Variants in AMPH observed in about 807,000 individuals in gnomAD.
AMPH encodes the protein amphiphysin, also known as amphiphysin (Stiff-Mann syndrome with breast cancer 128kD autoantigen).
AMPH carries 49 observed loss-of-function variants against 99.1 expected under a neutral mutation model. That is an observed-to-expected ratio of 0.49 (90% CI 0.39 to 0.63). The LOEUF is 0.63. Among genes scored for constraint, AMPH ranks in the 20% least tolerant of loss-of-function variants. The pLI, the probability that AMPH is intolerant of heterozygous loss-of-function variation, is 0.00. For synonymous variants in AMPH, 314 were observed against 317.3 expected (o/e 0.99, Z 0.11); for missense variants, 759 against 863.4 (o/e 0.88, Z 1.52).
At chr7:38,444,891 C>T (rs10234777) in intron 11 of AMPH, among the ~76,000 whole-genome samples, 45,679 of 150,988 alleles carry the variant, frequency 0.3, 7,360 homozygotes, top group South Asian at 0.41. Context: ...TTCAAGATAT[C>T]ATAAAATGAC....
At chr7:38,577,892 A>G (rs559198980) in intron 1 of AMPH, among the ~76,000 whole-genome samples, 1 of 152,304 alleles carries the variant, frequency 6.6e-6, no homozygotes, top group East Asian at 1.9e-4. Context: ...ATGAGTCAAG[A>G]TAATACCTGT....
chr7:38,589,820 C>G (rs1209038358), intron 1 of AMPH, among the ~76,000 whole-genome samples: 1 of 152,170 alleles, frequency 6.6e-6, no homozygotes, highest in Non-Finnish European at 1.5e-5. Context: ...CCAGAAAGGG[C>G]ACCTGTGAAC....
intron 2 of AMPH, among the ~76,000 whole-genome samples, chr7:38,516,307 C>CT (rs970259987): frequency 3.4e-4 from 51 of 152,230 alleles, no homozygotes; most frequent in African/African-American, 1.2e-3. Flanking sequence ...GCCCAGGGCC[C>CT]TACTGCCCTG....
chr7:38,615,600 C>T (rs1364085374), intron 1 of AMPH, among the ~76,000 whole-genome samples: 2 of 151,800 alleles, frequency 1.3e-5, no homozygotes, highest in African/African-American at 4.9e-5. Context: ...CTCCTCTCCT[C>T]CCTGAGAAGT....
intron 3 of AMPH, among the ~76,000 whole-genome samples, chr7:38,501,637 C>T (rs1789139919): frequency 6.6e-6 from 1 of 151,578 alleles, no homozygotes; most frequent in African/African-American, 2.4e-5. Flanking sequence ...ATTATTTTGG[C>T]CATTTTTAAA....
At chr7:38,614,742 C>G (rs1289643222) in intron 1 of AMPH, among the ~76,000 whole-genome samples, 1 of 152,128 alleles carries the variant, frequency 6.6e-6, no homozygotes, top group Non-Finnish European at 1.5e-5. Flanking sequence ...GGCACTAAGG[C>G]CCCGAGGTAG....
intron 5 of AMPH, among the ~76,000 whole-genome samples, chr7:38,481,545 G>A (rs1389810683): frequency 1.3e-5 from 2 of 152,112 alleles, no homozygotes; most frequent in Non-Finnish European, 2.9e-5. Flanking sequence ...ACTGCTCACA[G>A]CTGTAAGCCT....
At chr7:38,599,488 C>A (rs1052628208) in intron 1 of AMPH, among the ~76,000 whole-genome samples, 2 of 152,184 alleles carry the variant, frequency 1.3e-5, no homozygotes, top group African/African-American at 4.8e-5. Context: ...GCATATAATA[C>A]ACATTACATA....
intron 3 of AMPH, 24 bp downstream of exon 3, chr7:38,503,626 C>G (rs1263780175): frequency 6.2e-7 from 1 of 1,609,982 alleles, no homozygotes; most frequent in African/African-American, 1.3e-5. Context: ...AAGTAACATG[C>G]AGTAAACAAC....
At chr7:38,396,383 ACTTGCTCCTCTTTGC>A (rs1784669406) in intron 17 of AMPH, among the ~76,000 whole-genome samples, 1 of 152,174 alleles carries the variant, frequency 6.6e-6, no homozygotes, top group African/African-American at 2.4e-5. Flanking sequence ...GTAAGATGTG[ACTTGCTCCTCTTTGC>A]CTTCCATCAT....
chr7:38,566,944 G>A (rs1459351499), intron 1 of AMPH, among the ~76,000 whole-genome samples: 4 of 152,204 alleles, frequency 2.6e-5, no homozygotes, highest in Non-Finnish European at 5.9e-5. Flanking sequence ...GTTGGTGGGC[G>A]TGTAAATTAG....
rs1338903221 is a variant in AMPH, at chr7:38,491,100, C to T, written c.346G>A (p.Gly116Arg). ...WEDFHQKLVDGSLLTLDTYLG... is the reference protein window; with the variant it reads ...WEDFHQKLVDRSLLTLDTYLG... ...TAGGTATCCAGTGTTAGCAAGGACC[C>T]ATCCACGAGTTTTTGATGGAAGTCT... is the stretch of plus-strand genomic sequence containing the variant. Residue 116 changes from glycine to arginine, a missense_variant, in exon 5 of 21, where the codon GGG becomes AGG. Transcript: ENST00000356264. 2 of 1,613,074 alleles carry T rather than the reference C, an allele frequency of 1.2e-6. No homozygotes were observed. The highest frequency in any genetic ancestry group is 1.7e-6 in the Non-Finnish European group (2 of 1,179,360).
chr7:38,539,959 T>C (rs1790750756), intron 1 of AMPH, among the ~76,000 whole-genome samples: 1 of 152,256 alleles, frequency 6.6e-6, no homozygotes, highest in African/African-American at 2.4e-5. Context: ...CCTTGCTCTA[T>C]GTCACGAGTA....
intron 2 of AMPH, among the ~76,000 whole-genome samples, chr7:38,515,950 T>C (rs1399799407): frequency 6.6e-6 from 1 of 152,234 alleles, no homozygotes; most frequent in Admixed American, 6.5e-5. Flanking sequence ...TTAAGGTATC[T>C]GGTGGAAGAA....
At chr7:38,385,062 G>A (rs62446763) in intron 20 of AMPH, 137 bp from the exon 21 acceptor site, 138,300 of 671,282 alleles carry the variant, frequency 0.21, 15,537 homozygotes, top group Admixed American at 0.28. Flanking sequence ...GTGCTGTGCC[G>A]TGATCAATGG....
At position 38,612,084 on chromosome 7, in the gene AMPH, C is replaced by CTTTTTTTT. The variant is rs777855014; in HGVS notation, c.69+19198_69+19199insAAAAAAAA. On this transcript the variant is annotated intron_variant, in intron 1 of 20. Transcript: ENST00000356264. ...ACTGCTAAGACTGATTTTTTGTCTT[C>CTTTTTTTT]TTCTTTTTTTTTTTTTTTTTTTTTG... Among the ~76,000 whole-genome samples, 88 of 90,876 alleles carry CTTTTTTTT rather than the reference C, an allele frequency of 9.7e-4. 2 individuals carry two copies. The highest frequency in any genetic ancestry group is 1.2e-3 in the Non-Finnish European group (59 of 47,222). The allele number at this position is 90,876 out of a possible 152,430, so 59.6% of individuals were successfully genotyped here.
At chr7:38,539,897 A>T (rs1271933111) in intron 1 of AMPH, among the ~76,000 whole-genome samples, 1 of 152,240 alleles carries the variant, frequency 6.6e-6, no homozygotes, top group Non-Finnish European at 1.5e-5. Context: ...AAAGATCTTA[A>T]GACACCAAAG....
At chr7:38,622,219 A>G (rs566714036) in intron 1 of AMPH, among the ~76,000 whole-genome samples, 1 of 152,268 alleles carries the variant, frequency 6.6e-6, no homozygotes, top group East Asian at 1.9e-4. Context: ...CAGAAGTTCT[A>G]TGCAGGTGGC....
chr7:38,617,193 C>T (rs1010098632), intron 1 of AMPH, among the ~76,000 whole-genome samples: 10 of 151,916 alleles, frequency 6.6e-5, no homozygotes, highest in Admixed American at 5.2e-4. Flanking sequence ...ATGTGTGTTA[C>T]CCCAAGGGGG....
Sources: gnomAD v4.1 joint callset for allele counts (sites outside exome capture counted in the v4.1 genomes callset) on GRCh38, gnomAD v4.1.1 for gene constraint, MANE v1.5 for transcripts, NCBI Gene and HGNC (gene_info 2026-07-23, HGNC 2026-07-21) for gene names.